AUTS2: variants seen among roughly 807,000 people sequenced by gnomAD.
AUTS2 encodes the protein autism susceptibility gene 2 protein.
A neutral mutation model predicts 112.4 loss-of-function variants in AUTS2; 17 were observed. That is an observed-to-expected ratio of 0.15 (90% confidence interval 0.10 to 0.23). The LOEUF (loss-of-function observed/expected upper bound fraction) is 0.23, where lower values mean the gene tolerates loss of function less well. AUTS2 is among the 10% of genes least tolerant of loss of function. The pLI is 1.00. For missense variants in AUTS2, 1,510 were observed against 1,701.6 expected, an observed-to-expected ratio of 0.89 and a Z score of 1.98; for synonymous variants, 751 against 702.7, an observed-to-expected ratio of 1.07 and a Z score of -1.09.
At chr7:70,481,751 C>T (rs567649406) in intron 5 of AUTS2, among the ~76,000 whole-genome samples, 21 of 152,254 alleles carry the variant, frequency 1.4e-4, no homozygotes, top group Admixed American at 1.0e-3. Flanking sequence ...TCCTATCTGA[C>T]GCCACAGTCC....
chr7:69,686,986 G>A (rs952002401), intron 1 of AUTS2, among the ~76,000 whole-genome samples: 1 of 152,198 alleles, frequency 6.6e-6, no homozygotes, highest in Admixed American at 6.5e-5. Context: ...ATAGTAGATT[G>A]TAAGTTATTT....
chr7:69,976,231 C>T (rs1798054525), intron 2 of AUTS2, among the ~76,000 whole-genome samples: 1 of 152,144 alleles, frequency 6.6e-6, no homozygotes, highest in African/African-American at 2.4e-5. Flanking sequence ...CTGTGGATAC[C>T]TTATGAATAT....
At chr7:70,470,875 C>T (rs911607655) in intron 5 of AUTS2, among the ~76,000 whole-genome samples, 4 of 152,134 alleles carry the variant, frequency 2.6e-5, no homozygotes, top group African/African-American at 9.7e-5. Flanking sequence ...GCAATAAAAG[C>T]CATGGGGATC....
intron 2 of AUTS2, among the ~76,000 whole-genome samples, chr7:69,936,437 C>T (rs1796414197): frequency 6.6e-6 from 1 of 152,102 alleles, no homozygotes; most frequent in Non-Finnish European, 1.5e-5. Context: ...GCAAGCTCCA[C>T]CTCCTGGGTT....
chr7:69,901,387 T>TG (rs1430038845), intron 2 of AUTS2, among the ~76,000 whole-genome samples: 1 of 152,212 alleles, frequency 6.6e-6, no homozygotes, highest in African/African-American at 2.4e-5. Context: ...AGACGTGATC[T>TG]GACTTTTCTA....
chr7:70,665,521 G>A (rs1807297138), intron 5 of AUTS2, among the ~76,000 whole-genome samples: 1 of 151,296 alleles, frequency 6.6e-6, no homozygotes, highest in Non-Finnish European at 1.5e-5. Flanking sequence ...AGCCTTGTCT[G>A]AAGTCCTGGG....
At chr7:69,627,803 T>G (rs1003015379) in intron 1 of AUTS2, among the ~76,000 whole-genome samples, 3 of 152,184 alleles carry the variant, frequency 2.0e-5, no homozygotes, top group Non-Finnish European at 4.4e-5. Flanking sequence ...TATCTCAGTT[T>G]CCTTGTGTAT....
rs151096844 is a variant in AUTS2 at position 70,635,909 on chromosome 7, TG to T, written c.691-62658del. On this transcript the variant is annotated intron_variant, in intron 5 of 18. Transcript: ENST00000342771. ...CCCAGGCACTTTCAGCCAATTAGTC[TG>T]GAAATGACATCCAAGAGGCAGAGAG... 5.6e-3 allele frequency among the ~76,000 whole-genome samples: 848 copies of T among 152,290 alleles called. 7 individuals are homozygous for T. The highest frequency in any genetic ancestry group is 0.019 in the African/African-American group (800 of 41,556).
chr7:69,616,476 C>A (rs1018521946), intron 1 of AUTS2, among the ~76,000 whole-genome samples: 1 of 152,120 alleles, frequency 6.6e-6, no homozygotes, highest in African/African-American at 2.4e-5. Flanking sequence ...TGGAAAGAGA[C>A]CACCCCCTGA....
intron 4 of AUTS2, among the ~76,000 whole-genome samples, chr7:70,241,081 A>T (rs565723334): frequency 6.6e-6 from 1 of 152,316 alleles, no homozygotes; most frequent in African/African-American, 2.4e-5. Context: ...CTTCCCAGTC[A>T]GCTTTTTGGC....
At chr7:70,754,110 G>A (rs373670161) in intron 6 of AUTS2, among the ~76,000 whole-genome samples, 6 of 152,156 alleles carry the variant, frequency 3.9e-5, no homozygotes, top group African/African-American at 7.2e-5. Context: ...ACAGTGAGCC[G>A]AGATCGCGCC....
chr7:69,914,176 T>C (rs371461716), intron 2 of AUTS2, among the ~76,000 whole-genome samples: 12 of 152,106 alleles, frequency 7.9e-5, no homozygotes, highest in African/African-American at 2.9e-4. Flanking sequence ...AGATATCACC[T>C]CCACCACAGT....
chr7:70,366,790 A>C (rs1012143214), intron 4 of AUTS2, among the ~76,000 whole-genome samples: 21 of 152,178 alleles, frequency 1.4e-4, no homozygotes, highest in African/African-American at 4.6e-4. Flanking sequence ...GAGAGGAGGT[A>C]AGGGTAATTC....
intron 1 of AUTS2, among the ~76,000 whole-genome samples, chr7:69,778,549 C>T (rs947324231): frequency 1.3e-5 from 2 of 152,062 alleles, no homozygotes; most frequent in Admixed American, 1.3e-4. Context: ...GTGTCAGGGC[C>T]ACAGAACTTT....
intron 5 of AUTS2, among the ~76,000 whole-genome samples, chr7:70,650,639 A>G (rs1273675748): frequency 6.6e-6 from 1 of 152,220 alleles, no homozygotes; most frequent in East Asian, 1.9e-4. Flanking sequence ...ACAATTGTGC[A>G]TTTCACTTGA....
intron 2 of AUTS2, among the ~76,000 whole-genome samples, chr7:70,099,527 C>T (rs1356994234): frequency 1.3e-5 from 2 of 150,262 alleles, no homozygotes; most frequent in Admixed American, 6.6e-5. Context: ...CCCTTAAATA[C>T]AATTCACAAT....
chr7:69,661,093 ACTACTAGAT>A (rs549103338), intron 1 of AUTS2, among the ~76,000 whole-genome samples: 115 of 152,250 alleles, frequency 7.6e-4, no homozygotes, highest in Middle Eastern at 3.4e-3. Flanking sequence ...CAGAGGTAAC[ACTACTAGAT>A]CTGGAGAGAG....
chr7:70,736,363 CT>C (rs10714000), intron 6 of AUTS2, among the ~76,000 whole-genome samples: 105,441 of 151,322 alleles, frequency 0.7, 36,902 homozygotes, highest in East Asian at 0.79. Flanking sequence ...TGGAAAAATA[CT>C]TTTACTACCA....
intron 5 of AUTS2, among the ~76,000 whole-genome samples, chr7:70,650,438 A>G (rs1806443916): frequency 6.6e-6 from 1 of 152,210 alleles, no homozygotes; most frequent in African/African-American, 2.4e-5. Flanking sequence ...CTGGGACCTT[A>G]AAGTCACTGA....
Sources: allele counts gnomAD v4.1 joint callset (sites outside exome capture counted in the v4.1 genomes callset), GRCh38; gene constraint gnomAD v4.1.1; transcripts MANE v1.5; gene names NCBI Gene and HGNC (gene_info 2026-07-23, HGNC 2026-07-21).